Variants in DPP6 observed in about 807,000 individuals in gnomAD.
DPP6 encodes dipeptidyl peptidase like 6, also known as A-type potassium channel modulatory protein DPP6.
DPP6 carries 69 observed loss-of-function variants against 122.6 expected under a neutral mutation model. The ratio of observed to expected loss-of-function variants is 0.56; its 90% CI spans 0.46 to 0.69. The LOEUF (loss-of-function observed/expected upper bound fraction) is 0.69. DPP6 is among the 30% of genes least tolerant of loss of function. DPP6 has a pLI of 0.00. For missense variants in DPP6, 928 were observed against 1,116.9 expected, an observed-to-expected ratio of 0.83 and a Z score of 2.41; for synonymous variants, 418 against 433.1, an observed-to-expected ratio of 0.97 and a Z score of 0.43.
intron 5 of DPP6, among the ~76,000 whole-genome samples, chr7:154,613,743 C>T (rs1238878564): frequency 1.3e-5 from 2 of 151,270 alleles, no homozygotes; most frequent in East Asian, 3.9e-4. Context: ...ACATTACTCC[C>T]TCATTGTTTT....
At chr7:154,309,566 C>A (rs1048826808) in intron 1 of DPP6, among the ~76,000 whole-genome samples, 1 of 152,108 alleles carries the variant, frequency 6.6e-6, no homozygotes, top group African/African-American at 2.4e-5. Context: ...TGTTCCTGTC[C>A]GCTGCTCTCT....
intron 1 of DPP6, among the ~76,000 whole-genome samples, chr7:154,254,781 A>C (rs961026528): frequency 6.6e-5 from 10 of 152,306 alleles, no homozygotes; most frequent in Admixed American, 5.2e-4. Context: ...CAATGAGAGA[A>C]GGAACATACA....
intron 16 of DPP6, among the ~76,000 whole-genome samples, chr7:154,847,943 T>C (rs1181988433): frequency 6.6e-6 from 1 of 152,248 alleles, no homozygotes; most frequent in Admixed American, 6.5e-5. Context: ...TATGCCTGGC[T>C]TATTTCACTT....
chr7:153,837,837 A>ATTTTTTTTTTTTTTTTTTTT, the DPP6 span, among the ~76,000 whole-genome samples: 117 of 80,622 alleles, frequency 1.5e-3, 7 homozygotes, highest in Non-Finnish European at 1.8e-3. Flanking sequence ...TGCCTGGTTA[A>ATTTTTTTTTTTTTTTTTTTT]TTTTTTTTTT....
intron 1 of DPP6, among the ~76,000 whole-genome samples, chr7:154,257,661 C>T (rs1013098288): frequency 6.6e-6 from 1 of 152,210 alleles, no homozygotes; most frequent in Non-Finnish European, 1.5e-5. Flanking sequence ...GGCGCCACTG[C>T]ACTCCAGCCT....
chr7:154,120,796 G>A (rs569008735), intron 1 of DPP6, among the ~76,000 whole-genome samples: 1 of 152,350 alleles, frequency 6.6e-6, no homozygotes, highest in East Asian at 1.9e-4. Context: ...ACCCAGAACA[G>A]TTGATGAAGT....
At chr7:154,215,158 G>A (rs1248424699) in intron 1 of DPP6, among the ~76,000 whole-genome samples, 1 of 152,182 alleles carries the variant, frequency 6.6e-6, no homozygotes, top group Non-Finnish European at 1.5e-5. Context: ...GAAAGTTACA[G>A]TGATGGCGGA....
chr7:153,992,061 C>T (rs1249494507), intron 1 of DPP6, among the ~76,000 whole-genome samples: 1 of 152,182 alleles, frequency 6.6e-6, no homozygotes, highest in African/African-American at 2.4e-5. Flanking sequence ...TTTTTTAATA[C>T]ATTAAATGCA....
chr7:154,575,005 G>A (rs1831448434), intron 5 of DPP6, among the ~76,000 whole-genome samples: 1 of 145,278 alleles, frequency 6.9e-6, no homozygotes, highest in African/African-American at 2.6e-5. Context: ...TGTGGGGTGT[G>A]TGTGTTTGTG....
At chr7:154,186,887 A>G (rs1458404190) in intron 1 of DPP6, among the ~76,000 whole-genome samples, 1 of 152,248 alleles carries the variant, frequency 6.6e-6, no homozygotes, top group Admixed American at 6.5e-5. Context: ...CAGAGGAAGG[A>G]TTTAAAAGCC....
In DPP6 at chr7:154,666,089, C is replaced by T. The variant is rs968696025; in HGVS notation, c.681-3271C>T. ...TTCCTGGTTTCTGCTTCCTACATTT[C>T]CTTTTTCACAAAAGACTCGATTCAT... On this transcript the variant is annotated intron_variant, in intron 6 of 25. Transcript: ENST00000377770. Among the ~76,000 whole-genome samples the T allele has an allele frequency of 4.6e-5, 7 of 151,696 alleles. No homozygotes were observed. In the East Asian group the frequency reaches 9.7e-4, roughly 21 times the overall value.
chr7:154,892,709 GC>G lies in DPP6; in HGVS notation c.*230del, dbSNP rs1806725784. 1 of 937,472 alleles carries G rather than the reference GC, an allele frequency of 1.1e-6. No individual in the cohort carries two copies. Among genetic ancestry groups the G allele is most frequent in the South Asian group, 1.3e-5 (1 of 77,470 alleles). 58.1% of individuals were successfully genotyped at this position (937,472 alleles called of 1,614,324 possible). On this transcript the variant is annotated 3_prime_UTR_variant, in exon 26 of 26. Coordinates refer to ENST00000377770, the MANE Select transcript of DPP6 (RefSeq NM_130797.4). ...CAGGGACAACGCTGTCCCCGCAGCA[GC>G]GCCTCCTCCCGGCGCCCGAGAGACC...
rs545559929 is a variant in DPP6, at chr7:153,916,115, C to T, written c.51+28381C>T. Among the ~76,000 whole-genome samples the T allele has an allele frequency of 9.6e-3, 1,461 of 151,502 alleles. 10 individuals carry two copies. The highest frequency in any genetic ancestry group is 0.013 in the Non-Finnish European group (854 of 67,842). ...CCGAGTAGCTGGGACTACAGGCGCC[C>T]GCCACTGCGCCTGGCTAATGTTTTT... On this transcript the variant is annotated intron_variant, in intron 1 of 25. Transcript: ENST00000404039.
intron 6 of DPP6, among the ~76,000 whole-genome samples, chr7:154,668,965 A>G (rs1327881344): frequency 6.6e-6 from 1 of 152,214 alleles, no homozygotes; most frequent in Non-Finnish European, 1.5e-5. Flanking sequence ...TTATACCTAG[A>G]AAAAATTATC....
the DPP6 span, among the ~76,000 whole-genome samples, chr7:153,786,618 A>G: frequency 6.6e-6 from 1 of 151,360 alleles, no homozygotes; most frequent in Non-Finnish European, 1.5e-5. Context: ...GCGCACCTGT[A>G]GTCCCAGCTA....
At chr7:153,982,980 C>T (rs1293365097) in intron 1 of DPP6, among the ~76,000 whole-genome samples, 2 of 152,216 alleles carry the variant, frequency 1.3e-5, no homozygotes, top group South Asian at 2.1e-4. Flanking sequence ...AGGTGTCTAT[C>T]GACCTCTGCT....
At chr7:154,410,293 G>C (rs972090335) in intron 1 of DPP6, among the ~76,000 whole-genome samples, 1 of 152,198 alleles carries the variant, frequency 6.6e-6, no homozygotes, top group Non-Finnish European at 1.5e-5. Context: ...TGCATTTCCT[G>C]ACAGGCGAGA....
chr7:154,273,406 T>C (rs4484596), intron 1 of DPP6, among the ~76,000 whole-genome samples: 141,426 of 152,282 alleles, frequency 0.93, 65,775 homozygotes, highest in East Asian at 1. Flanking sequence ...CCTAGCAAGG[T>C]GTTTATTCTG....
chr7:154,836,292 C>T (rs1801048110), intron 16 of DPP6, among the ~76,000 whole-genome samples: 1 of 152,222 alleles, frequency 6.6e-6, no homozygotes, highest in African/African-American at 2.4e-5. Context: ...GACGTGTTTT[C>T]TTCTCTCTCT....
Sources: allele counts gnomAD v4.1 joint callset (sites outside exome capture counted in the v4.1 genomes callset), GRCh38; gene constraint gnomAD v4.1.1; transcripts MANE v1.5; gene names NCBI Gene and HGNC (gene_info 2026-07-23, HGNC 2026-07-21).